Variants in PCDH9 observed in about 807,000 individuals in gnomAD.
The protein encoded by PCDH9 is protocadherin-9.
A neutral mutation model predicts 70.6 loss-of-function variants in PCDH9; 24 were observed. The observed-to-expected ratio is 0.34, with a 90% CI of 0.25 to 0.48. PCDH9 has a LOEUF of 0.48. Ranked by LOEUF, PCDH9 falls within the 20% of genes least tolerant of loss-of-function variation. PCDH9 has a pLI of 0.99. For synonymous variants in PCDH9, 562 were observed against 558.5 expected (o/e 1.01, Z -0.09); for missense variants, 1,281 against 1,503.6 (o/e 0.85, Z 2.45).
At chr13:66,495,084 AATT>A (rs1176030775) in intron 4 of PCDH9, among the ~76,000 whole-genome samples, 1 of 152,148 alleles carries the variant, frequency 6.6e-6, no homozygotes, top group African/African-American at 2.4e-5. Flanking sequence ...TTTTTAAAAT[AATT>A]ATTGAATTTA....
At chr13:66,966,202 T>C (rs1451075041) in intron 2 of PCDH9, among the ~76,000 whole-genome samples, 1 of 152,134 alleles carries the variant, frequency 6.6e-6, no homozygotes, top group South Asian at 2.1e-4. Context: ...GCAAGCCCCT[T>C]GGGTTTCTGA....
intron 4 of PCDH9, among the ~76,000 whole-genome samples, chr13:66,477,736 C>G (rs1958760265): frequency 6.6e-6 from 1 of 152,144 alleles, no homozygotes; most frequent in African/African-American, 2.4e-5. Flanking sequence ...AAATCACATG[C>G]AAATCATAAT....
At chr13:66,809,071 C>T (rs1402469938) in intron 3 of PCDH9, among the ~76,000 whole-genome samples, 1 of 152,168 alleles carries the variant, frequency 6.6e-6, no homozygotes, top group Non-Finnish European at 1.5e-5. Flanking sequence ...CCTCAGCCTC[C>T]TGAGTAGCTG....
At chr13:66,620,247 C>T (rs1593789179) in intron 4 of PCDH9, among the ~76,000 whole-genome samples, 1 of 152,076 alleles carries the variant, frequency 6.6e-6, no homozygotes, top group Non-Finnish European at 1.5e-5. Context: ...CCGTCACTTA[C>T]TTGAACAGTT....
chr13:67,015,937 AT>A (rs1050895224), intron 2 of PCDH9, among the ~76,000 whole-genome samples: 3 of 152,150 alleles, frequency 2.0e-5, no homozygotes, highest in African/African-American at 7.2e-5. Flanking sequence ...TGGCCATAAT[AT>A]TCACCTCAAT....
At chr13:66,535,644 A>C (rs1336739579) in intron 4 of PCDH9, among the ~76,000 whole-genome samples, 6 of 152,104 alleles carry the variant, frequency 3.9e-5, no homozygotes, top group African/African-American at 1.4e-4. Flanking sequence ...AACACAAGAA[A>C]ATTTCCCCTT....
chr13:66,883,471 A>G (rs1486075028), intron 3 of PCDH9, among the ~76,000 whole-genome samples: 1 of 152,176 alleles, frequency 6.6e-6, no homozygotes, highest in African/African-American at 2.4e-5. Context: ...AAAAACAGCC[A>G]TATTTCATTT....
Position 66,487,596 on chromosome 13 carries a change from A to T in PCDH9, c.3340+143614T>A, listed in dbSNP as rs1402416914. On this transcript the variant is annotated intron_variant, in intron 4 of 4. Transcript: ENST00000377865. Reference sequence around the variant, plus strand: ...TATTCCATAATATGGACGTAATATTATATGTCCATAATATTATATGGACAT... The same window carrying T: ...TATTCCATAATATGGACGTAATATTTTATGTCCATAATATTATATGGACAT... Among the ~76,000 whole-genome samples the T allele has an allele frequency of 2.0e-5, 3 of 152,154 alleles. No individual in the cohort carries two copies. In the East Asian group the frequency reaches 5.8e-4, roughly 29 times the overall value.
chr13:66,463,279 C>T (rs1048030951), intron 4 of PCDH9, among the ~76,000 whole-genome samples: 1 of 151,788 alleles, frequency 6.6e-6, no homozygotes, highest in Non-Finnish European at 1.5e-5. Context: ...AAAGAATGCT[C>T]TTGAGAGTCA....
chr13:66,460,143 C>T (rs1958396474), intron 4 of PCDH9, among the ~76,000 whole-genome samples: 1 of 151,794 alleles, frequency 6.6e-6, no homozygotes, highest in African/African-American at 2.4e-5. Context: ...AAAACATAAA[C>T]ATTACCCATA....
chr13:67,098,409 C>T (rs1055603051), intron 2 of PCDH9, among the ~76,000 whole-genome samples: 1 of 151,902 alleles, frequency 6.6e-6, no homozygotes, highest in African/African-American at 2.4e-5. Context: ...TAACATTAAG[C>T]GTAATAAAAA....
intron 4 of PCDH9, among the ~76,000 whole-genome samples, chr13:66,559,817 A>AAAAAAAATATATAT (rs71677008): frequency 3.2e-5 from 3 of 93,104 alleles, no homozygotes; most frequent in African/African-American, 1.3e-4. Flanking sequence ...AAAAAAAAAA[A>AAAAAAAATATATAT]ATATATATAT....
At chr13:66,821,983 A>C (rs982378382) in intron 3 of PCDH9, among the ~76,000 whole-genome samples, 1 of 152,032 alleles carries the variant, frequency 6.6e-6, no homozygotes, top group African/African-American at 2.4e-5. Context: ...AAATGTTGAG[A>C]GCTGTTTCTT....
At chr13:67,096,423 T>G (rs1024448575) in intron 2 of PCDH9, among the ~76,000 whole-genome samples, 12 of 152,316 alleles carry the variant, frequency 7.9e-5, no homozygotes, top group Non-Finnish European at 1.5e-5. Context: ...CTAGGATATA[T>G]TCTTAAGAGT....
intron 2 of PCDH9, among the ~76,000 whole-genome samples, chr13:67,199,191 A>G (rs1171071282): frequency 6.6e-6 from 1 of 151,568 alleles, no homozygotes; most frequent in African/African-American, 2.4e-5. Flanking sequence ...ATGTATTATA[A>G]TTTATTTATA....
chr13:67,154,894 A>G (rs2087771511), intron 2 of PCDH9, among the ~76,000 whole-genome samples: 1 of 151,742 alleles, frequency 6.6e-6, no homozygotes, highest in South Asian at 2.1e-4. Flanking sequence ...TAGTAATGCA[A>G]AAGAGACAGG....
intron 2 of PCDH9, among the ~76,000 whole-genome samples, chr13:67,041,867 A>G (rs139816753): frequency 6.6e-6 from 1 of 151,870 alleles, no homozygotes; most frequent in African/African-American, 2.4e-5. Context: ...AATACTGGCT[A>G]TCCCATGTAT....
chr13:66,373,060 G>A (rs998130162), intron 4 of PCDH9, among the ~76,000 whole-genome samples: 1 of 151,972 alleles, frequency 6.6e-6, no homozygotes, highest in African/African-American at 2.4e-5. Flanking sequence ...ATTGTCAATA[G>A]ACAAAAGGTG....
chr13:67,159,590 T>A (rs1389891536), intron 2 of PCDH9, among the ~76,000 whole-genome samples: 2 of 152,048 alleles, frequency 1.3e-5, no homozygotes, highest in Admixed American at 6.5e-5. Flanking sequence ...TTTCGAAAAA[T>A]AAAATGTTAC....
Sources: gnomAD v4.1 joint callset for allele counts (sites outside exome capture counted in the v4.1 genomes callset) on GRCh38, gnomAD v4.1.1 for gene constraint, MANE v1.5 for transcripts, NCBI Gene and HGNC (gene_info 2026-07-23, HGNC 2026-07-21) for gene names.